The following DCC variants were observed in gnomAD, a reference collection of about 807,000 sequenced individuals.
DCC encodes the protein DCC netrin 1 receptor, also known as netrin receptor DCC.
In DCC, 58 loss-of-function variants were observed where a neutral mutation model predicts 172.5. The observed-to-expected ratio is 0.34, with a 90% confidence interval of 0.27 to 0.42. DCC has a LOEUF of 0.42. DCC is among the 10% of genes least tolerant of loss of function. The pLI is 1.00. For synonymous variants in DCC, 709 were observed against 644.5 expected, an observed-to-expected ratio of 1.10 and a Z score of -1.52; for missense variants, 1,740 against 1,791.0, an observed-to-expected ratio of 0.97 and a Z score of 0.51.
chr18:52,701,223 T>C (rs567472592), intron 1 of DCC, among the ~76,000 whole-genome samples: 1 of 152,352 alleles, frequency 6.6e-6, no homozygotes, highest in East Asian at 1.9e-4. Flanking sequence ...TAGAAATTTC[T>C]TTTTTCTTTT....
chr18:53,441,174 C>T (rs1713870137), intron 22 of DCC, among the ~76,000 whole-genome samples: 1 of 152,140 alleles, frequency 6.6e-6, no homozygotes, highest in Non-Finnish European at 1.5e-5. Flanking sequence ...GTAGGTTGCT[C>T]CAAGGTACAT....
intron 3 of DCC, among the ~76,000 whole-genome samples, chr18:52,920,764 CTG>C (rs1568187551): frequency 6.6e-6 from 1 of 152,108 alleles, no homozygotes; most frequent in African/African-American, 2.4e-5. Flanking sequence ...TCACCAAAAA[CTG>C]GAAGCCACCA....
intron 1 of DCC, among the ~76,000 whole-genome samples, chr18:52,374,037 G>A (rs1031809608): frequency 7.3e-5 from 11 of 151,576 alleles, no homozygotes; most frequent in South Asian, 2.1e-4. Context: ...GACTACAGGC[G>A]CCCGCCACCA....
chr18:53,445,639 G>A lies in DCC; in HGVS notation c.3230-4861G>A, dbSNP rs1912549920. Among the ~76,000 whole-genome samples, 3 of 152,220 alleles carry A rather than the reference G, an allele frequency of 2.0e-5. No homozygotes were observed. In the South Asian group the frequency reaches 6.2e-4, roughly 32 times the overall value. The stretch of plus-strand genomic sequence containing the variant: ...TAAGAAATATAAAACATTTTTGACA[G>A]TCTATAAAATTTTTATAAAAACAAG... On this transcript the variant is annotated intron_variant, in intron 22 of 28. Coordinates refer to ENST00000442544, the MANE Select transcript of DCC (RefSeq NM_005215.4).
At chr18:52,879,693 G>T (rs2039455693) in intron 2 of DCC, among the ~76,000 whole-genome samples, 1 of 152,040 alleles carries the variant, frequency 6.6e-6, no homozygotes, top group African/African-American at 2.4e-5. Context: ...GCCTCTCAAA[G>T]TGCTGGGACT....
chr18:52,740,208 C>T (rs886404318), intron 1 of DCC, among the ~76,000 whole-genome samples: 1 of 152,144 alleles, frequency 6.6e-6, no homozygotes, highest in Non-Finnish European at 1.5e-5. Context: ...AGTCTTCCCC[C>T]ATGGAACTTA....
chr18:52,412,066 A>C (rs1463277589), intron 1 of DCC, among the ~76,000 whole-genome samples: 10 of 151,902 alleles, frequency 6.6e-5, no homozygotes, highest in Non-Finnish European at 1.5e-4. Context: ...TGCACACCTA[A>C]CTCTTTTACC....
At chr18:52,974,906 A>G (rs1353571654) in intron 5 of DCC, among the ~76,000 whole-genome samples, 2 of 152,060 alleles carry the variant, frequency 1.3e-5, no homozygotes, top group Non-Finnish European at 2.9e-5. Flanking sequence ...CATACAAAAC[A>G]CTCCAGACAT....
chr18:52,939,712 G>C (rs991567600), intron 5 of DCC, among the ~76,000 whole-genome samples: 9 of 151,966 alleles, frequency 5.9e-5, no homozygotes, highest in African/African-American at 2.2e-4. Flanking sequence ...AGAAATTGAG[G>C]CTCCTCATTA....
At chr18:52,884,153 G>A (rs192096303) in intron 2 of DCC, among the ~76,000 whole-genome samples, 37 of 151,832 alleles carry the variant, frequency 2.4e-4, no homozygotes, top group Middle Eastern at 6.8e-3. Context: ...TGATCTTTGG[G>A]AGTTTGCTTC....
chr18:53,430,127 A>G (rs536202102), intron 21 of DCC, among the ~76,000 whole-genome samples: 1 of 152,236 alleles, frequency 6.6e-6, no homozygotes, highest in South Asian at 2.1e-4. Flanking sequence ...ATCTGCTGGT[A>G]TACAAGACAG....
intron 1 of DCC, among the ~76,000 whole-genome samples, chr18:52,557,390 T>C (rs2032940710): frequency 6.6e-6 from 1 of 152,218 alleles, no homozygotes; most frequent in Non-Finnish European, 1.5e-5. Flanking sequence ...TGAAGTTTGG[T>C]GAAATTAGTT....
intron 1 of DCC, among the ~76,000 whole-genome samples, chr18:52,580,694 A>G (rs2144776448): frequency 6.6e-6 from 1 of 152,352 alleles, no homozygotes; most frequent in South Asian, 2.1e-4. Flanking sequence ...TGGGATGCGC[A>G]CACCAGCTAG....
chr18:52,879,411 G>GTTTTTTTTTT (rs1568164319), intron 2 of DCC, among the ~76,000 whole-genome samples: 4 of 44,964 alleles, frequency 8.9e-5, no homozygotes, highest in African/African-American at 2.4e-4. Flanking sequence ...ATGTTGTTTG[G>GTTTTTTTTTT]CTTTTTTTTT....
intron 2 of DCC, among the ~76,000 whole-genome samples, chr18:52,804,495 C>CA (rs1294708446): frequency 1.3e-5 from 2 of 151,944 alleles, no homozygotes; most frequent in African/African-American, 4.8e-5. Flanking sequence ...GGTTTATAGA[C>CA]AAAAAAAGAT....
chr18:53,122,251 T>A (rs1289913218), intron 7 of DCC, among the ~76,000 whole-genome samples: 2 of 152,012 alleles, frequency 1.3e-5, no homozygotes, highest in Admixed American at 1.3e-4. Context: ...GTGCTAATTT[T>A]ACTGTAATAG....
chr18:52,954,084 A>T lies in DCC; in HGVS notation c.985+28714A>T, dbSNP rs184550671. 3.3e-5 allele frequency among the ~76,000 whole-genome samples: 5 copies of T among 152,326 alleles called. No individual in the cohort carries two copies. The East Asian group carries it at 9.6e-4, about 29-fold the overall frequency. On this transcript the variant is annotated intron_variant, in intron 5 of 28. Transcript: ENST00000442544. ...TACAGCTTTCACATCACCTCCATTTATATGTACCTGTGTTCAACTTCCCTT... is the reference window on the plus strand; with the variant it reads ...TACAGCTTTCACATCACCTCCATTTTTATGTACCTGTGTTCAACTTCCCTT...
intron 12 of DCC, among the ~76,000 whole-genome samples, chr18:53,280,814 A>C (rs1484701363): frequency 2.0e-5 from 3 of 152,132 alleles, no homozygotes; most frequent in Non-Finnish European, 2.9e-5. Context: ...TAGATGAGGA[A>C]TAAAAAATAT....
chr18:53,339,049 G>C (rs2057623901), intron 14 of DCC, among the ~76,000 whole-genome samples: 2 of 152,196 alleles, frequency 1.3e-5, no homozygotes, highest in Non-Finnish European at 2.9e-5. Flanking sequence ...GAAACTCAGA[G>C]AAGTGAAATA....
Sources: allele counts gnomAD v4.1 joint callset (sites outside exome capture counted in the v4.1 genomes callset), GRCh38; gene constraint gnomAD v4.1.1; transcripts MANE v1.5; gene names NCBI Gene and HGNC (gene_info 2026-07-23, HGNC 2026-07-21).